FHIT: variants seen among roughly 807,000 people sequenced by gnomAD.
FHIT encodes the protein bis(5'-adenosyl)-triphosphatase.
FHIT carries 19 observed loss-of-function variants against 17.9 expected under a neutral mutation model. The observed-to-expected ratio is 1.06, with a 90% CI of 0.74 to 1.56. FHIT has a LOEUF of 1.56. Ranked by LOEUF, FHIT falls within the 40% of genes most tolerant of loss-of-function variation. The pLI is 0.00. For missense variants in FHIT, 248 were observed against 189.2 expected (o/e 1.31, Z -1.82); for synonymous variants, 81 against 69.7 (o/e 1.16, Z -0.81).
chr3:60,373,480 T>A (rs1700422405), intron 5 of FHIT, among the ~76,000 whole-genome samples: 1 of 152,104 alleles, frequency 6.6e-6, no homozygotes. Context: ...AGAGCCACCA[T>A]CATAGGAGCT....
chr3:61,026,958 T>C (rs935479965), intron 3 of FHIT, among the ~76,000 whole-genome samples: 2 of 152,136 alleles, frequency 1.3e-5, no homozygotes, highest in Non-Finnish European at 2.9e-5. Flanking sequence ...TTCAGTAACT[T>C]TGCATACCAG....
chr3:60,650,070 C>A (rs1441457918), intron 4 of FHIT, among the ~76,000 whole-genome samples: 1 of 152,228 alleles, frequency 6.6e-6, no homozygotes, highest in African/African-American at 2.4e-5. Flanking sequence ...TCAGTCTATA[C>A]TGTGCTTCTG....
intron 4 of FHIT, among the ~76,000 whole-genome samples, chr3:60,671,777 T>TTA (rs1553693949): frequency 7.2e-6 from 1 of 139,360 alleles, no homozygotes; most frequent in Non-Finnish European, 1.5e-5. Flanking sequence ...CCATCTCTAC[T>TTA]AAAAAAAAAA....
intron 4 of FHIT, among the ~76,000 whole-genome samples, chr3:60,812,545 A>C (rs2106722314): frequency 6.6e-6 from 1 of 152,260 alleles, no homozygotes; most frequent in East Asian, 1.9e-4. Flanking sequence ...AACTGGGCCA[A>C]AATCATGGTC....
At chr3:60,465,955 G>A (rs187639678) in intron 5 of FHIT, among the ~76,000 whole-genome samples, 1 of 151,852 alleles carries the variant, frequency 6.6e-6, no homozygotes, top group Admixed American at 6.6e-5. Flanking sequence ...GGATTGCATT[G>A]AATCTGCAGA....
intron 4 of FHIT, among the ~76,000 whole-genome samples, chr3:60,728,785 TC>T (rs1553710323): frequency 6.6e-6 from 1 of 151,920 alleles, no homozygotes; most frequent in African/African-American, 2.4e-5. Flanking sequence ...CAACAAAGTG[TC>T]ATAGGTGTTC....
intron 5 of FHIT, among the ~76,000 whole-genome samples, chr3:60,045,000 G>T (rs541373728): frequency 1.2e-4 from 19 of 152,112 alleles, no homozygotes; most frequent in Non-Finnish European, 1.8e-4. Context: ...AAAGTCTTAC[G>T]TACCTTCTTT....
At chr3:61,064,057 C>T (rs1163079232) in intron 2 of FHIT, among the ~76,000 whole-genome samples, 3 of 152,128 alleles carry the variant, frequency 2.0e-5, no homozygotes, top group Non-Finnish European at 2.9e-5. Flanking sequence ...ATAGGCCTTA[C>T]TCTCAGCATA....
At chr3:60,274,780 C>A (rs1393188845) in intron 5 of FHIT, among the ~76,000 whole-genome samples, 2 of 152,106 alleles carry the variant, frequency 1.3e-5, no homozygotes, top group Admixed American at 6.5e-5. Flanking sequence ...GCCTTAGTAG[C>A]CAGACAGTAG....
chr3:60,812,379 C>T (rs781991268), intron 4 of FHIT, among the ~76,000 whole-genome samples: 3 of 151,914 alleles, frequency 2.0e-5, no homozygotes, highest in Admixed American at 6.6e-5. Flanking sequence ...AAGCTGGTCT[C>T]GAACTCCTGG....
chr3:60,444,236 A>T (rs910497077), intron 5 of FHIT, among the ~76,000 whole-genome samples: 3 of 152,184 alleles, frequency 2.0e-5, no homozygotes, highest in African/African-American at 7.2e-5. Flanking sequence ...ACACTTTTAC[A>T]TTGTTGGTGG....
chr3:60,714,772 A>G (rs11923559), intron 4 of FHIT, among the ~76,000 whole-genome samples: 6,664 of 152,290 alleles, frequency 0.044, 509 homozygotes, highest in African/African-American at 0.15. Flanking sequence ...CCACTGCTCA[A>G]TGAAATAAAA....
intron 8 of FHIT, among the ~76,000 whole-genome samples, chr3:59,876,838 C>A (rs1035631705): frequency 1.3e-5 from 2 of 152,192 alleles, no homozygotes; most frequent in African/African-American, 4.8e-5. Flanking sequence ...TCAACTTCTT[C>A]TTGGGAAGCT....
Position 61,119,261 on chromosome 3 carries a change from C to T in FHIT, c.-163-77162G>A, listed in dbSNP as rs140814898. On this transcript the variant is annotated intron_variant, in intron 2 of 9. Transcript: ENST00000492590. ...CGAGATGGAGTCTAGCTCTGTCGCC[C>T]AGGCTGGAGTGCACTGGTGTGATCT... Among the ~76,000 whole-genome samples, 95 of 152,158 alleles carry T rather than the reference C, an allele frequency of 6.2e-4. 1 individual carries two copies. The East Asian group carries it at 0.013, about 21-fold the overall frequency.
chr3:60,143,051 G>T (rs1338670023), intron 5 of FHIT, among the ~76,000 whole-genome samples: 1 of 152,124 alleles, frequency 6.6e-6, no homozygotes, highest in Admixed American at 6.5e-5. Flanking sequence ...AAAGAAAACT[G>T]GGTCTGCGGC....
chr3:60,372,751 C>T (rs114816227), intron 5 of FHIT, among the ~76,000 whole-genome samples: 2,457 of 152,238 alleles, frequency 0.016, 68 homozygotes, highest in African/African-American at 0.055. Flanking sequence ...TTTATTTCTT[C>T]CTTATCTATG....
intron 8 of FHIT, among the ~76,000 whole-genome samples, chr3:59,870,056 G>A (rs1181218276): frequency 6.6e-6 from 1 of 152,096 alleles, no homozygotes; most frequent in African/African-American, 2.4e-5. Context: ...TATAGCTGGG[G>A]AAACTGAGAT....
At chr3:60,794,272 T>C in intron 4 of FHIT, among the ~76,000 whole-genome samples, 1 of 152,194 alleles carries the variant, frequency 6.6e-6, no homozygotes, top group East Asian at 1.9e-4. Context: ...CTAAAGAATA[T>C]ATCTTGTATT....
chr3:60,443,434 T>C lies in FHIT; in HGVS notation c.103+93426A>G, dbSNP rs1388029452. On this transcript the variant is annotated intron_variant, in intron 5 of 9. Transcript: ENST00000492590. ...TTGTCATAAACAGCTTTTATTATTTTGAGATACATCCCATCAATACCTAAT... is the reference window on the plus strand; with the variant it reads ...TTGTCATAAACAGCTTTTATTATTTCGAGATACATCCCATCAATACCTAAT... Among the ~76,000 whole-genome samples the C allele has an allele frequency of 2.6e-5, 4 of 152,308 alleles. 1 individual carries two copies. Among genetic ancestry groups the C allele is most frequent in the Admixed American group, 6.5e-5 (1 of 15,290 alleles).
Sources: allele counts gnomAD v4.1 joint callset (sites outside exome capture counted in the v4.1 genomes callset), GRCh38; gene constraint gnomAD v4.1.1; transcripts MANE v1.5; gene names NCBI Gene and HGNC (gene_info 2026-07-23, HGNC 2026-07-21).